ABHD17A: variants seen among roughly 807,000 people sequenced by gnomAD.
ABHD17A encodes the protein alpha/beta hydrolase domain-containing protein 17A.
A neutral mutation model predicts 26.8 loss-of-function variants in ABHD17A; 10 were observed. That is an observed-to-expected ratio of 0.37 (90% confidence interval 0.23 to 0.63). The LOEUF (loss-of-function observed/expected upper bound fraction) is 0.63. Among genes scored for constraint, ABHD17A ranks in the 30% least tolerant of loss-of-function variants. The probability of loss-of-function intolerance (pLI) is 0.61; values close to 1 mark genes in which losing one functional copy is unlikely to be tolerated. For missense variants in ABHD17A, 292 were observed against 457.3 expected (o/e 0.64, Z 3.30); for synonymous variants, 167 against 210.9 (o/e 0.79, Z 1.80).
In ABHD17A at chr19:1,879,934, C is replaced by T; in HGVS notation, c.514G>A (p.Ala172Thr). 4 of 1,610,046 alleles carry T rather than the reference C, an allele frequency of 2.5e-6. No individual in the cohort carries two copies. Among genetic ancestry groups the T allele is most frequent in the Non-Finnish European group, 3.4e-6 (4 of 1,178,912 alleles). Residue 172 changes from alanine (A) to threonine (T), a missense_variant, in exon 3 of 5, where the codon GCC becomes ACC. Around this residue, in one of 4 missense-constraint regions of ABHD17A, gnomAD observed 25 missense variants for 40.3 expected, o/e 0.62. Coordinates refer to ENST00000292577, the MANE Select transcript of ABHD17A (RefSeq NM_001130111.2). This position sits in a 1 kb window ranked among gnomAD's most constrained non-coding sequence, Gnocchi z 7.6. ...LYADIDAAWQALRTRYGISPD... is the reference protein window; with the variant it reads ...LYADIDAAWQTLRTRYGISPD... The stretch of plus-strand genomic sequence containing the variant: ...GGTCGCCCTCACCTGGTGCGCAGGG[C>T]CTGCCAGGCGGCGTCGATGTCGGCA...
Position 1,879,633 on chromosome 19 carries a change from C to T in ABHD17A, c.527+288G>A, listed in dbSNP as rs1418084533. 6.0e-6 allele frequency: 3 copies of T among 502,248 alleles called. No individual in the cohort carries two copies. In the East Asian group the frequency reaches 1.1e-4, roughly 18 times the overall value. 31.1% of individuals were successfully genotyped at this position (502,248 alleles called of 1,614,324 possible). On this transcript the variant is annotated intron_variant, in intron 3 of 4. Coordinates refer to ENST00000292577, the MANE Select transcript of ABHD17A (RefSeq NM_001130111.2). The surrounding 1 kb of genome is among the most constrained non-coding windows in gnomAD (Gnocchi z 7.6). The stretch of plus-strand genomic sequence containing the variant: ...ACTCCCTCCCGCCGGGTGGCATCCA[C>T]ACCCCTGTGACAAGCTCAGCCCCTT...
At position 1,880,419 on chromosome 19, in the gene ABHD17A, G is replaced by A. The variant is rs1053441499; in HGVS notation, c.333-304C>T. The stretch of plus-strand genomic sequence containing the variant: ...TGTGAAGCGGGACACTGGGACCATC[G>A]GTCGCATCCTCTCTCAGGGCAGACT... On this transcript the variant is annotated intron_variant, in intron 2 of 4. Coordinates refer to ENST00000292577, the MANE Select transcript of ABHD17A (RefSeq NM_001130111.2). The surrounding 1 kb of genome is among the most constrained non-coding windows in gnomAD (Gnocchi z 4.1). Among the ~76,000 whole-genome samples the A allele has an allele frequency of 1.3e-5, 2 of 152,174 alleles. No homozygotes were observed. Among genetic ancestry groups the A allele is most frequent in the African/African-American group, 4.8e-5 (2 of 41,432 alleles).
At position 1,880,106 on chromosome 19, in the gene ABHD17A, G is replaced by A. The variant is rs2012481319; in HGVS notation, c.342C>T (p.Val114=). 1.9e-6 allele frequency: 3 copies of A among 1,613,046 alleles called. No homozygotes were observed. The highest frequency in any genetic ancestry group is 2.2e-5 in the East Asian group (1 of 44,888). Residue 114 remains valine (V), a synonymous_variant, in exon 3 of 5, where the codon GTC becomes GTT. Coordinates refer to ENST00000292577, the MANE Select transcript of ABHD17A (RefSeq NM_001130111.2). This position sits in a 1 kb window ranked among gnomAD's most constrained non-coding sequence, Gnocchi z 4.1. ...CCACGGCATTGCCGTGCGAGAAGAG[G>A]ACCGTGTACCTGGGACAGGCCGAGA... ...VRCVPGARYT[V]LFSHGNAVDL...
chr19:1,878,820 T>TCAC (rs1460892063), intron 3 of ABHD17A: 2 of 152,506 alleles, frequency 1.3e-5, no homozygotes, highest in African/African-American at 2.4e-5. Flanking sequence ...CACCTGGATG[T>TCAC]CACCACTCAA....
At position 1,880,158 on chromosome 19, in the gene ABHD17A, C is replaced by T. The variant is rs756947520; in HGVS notation, c.333-43G>A. The T allele has an allele frequency of 9.8e-5, 158 of 1,604,162 alleles. No homozygotes were observed. Among genetic ancestry groups the T allele is most frequent in the Non-Finnish European group, 1.3e-4 (154 of 1,174,926 alleles). On this transcript the variant is annotated intron_variant, in intron 2 of 4. Coordinates refer to ENST00000292577, the MANE Select transcript of ABHD17A (RefSeq NM_001130111.2). The surrounding 1 kb of genome is among the most constrained non-coding windows in gnomAD (Gnocchi z 4.1). ...GGGCCGTTCACATCCTCGCTCCCAG[C>T]GCCCAGCTGCAGGGCAGGAGGATGC...
Position 1,880,823 on chromosome 19 carries a change from C to T in ABHD17A, c.332+412G>A. ...TGCCATGGACTGCTTCCTCCAGTTC[C>T]CCCAGGCCCCCACCTAGCCCAGCCA... On this transcript the variant is annotated intron_variant, in intron 2 of 4. Transcript: ENST00000292577. This position sits in a 1 kb window ranked among gnomAD's most constrained non-coding sequence, Gnocchi z 4.1. 3 of 1,584,964 alleles carry T rather than the reference C, an allele frequency of 1.9e-6. No homozygotes were observed. The highest frequency in any genetic ancestry group is 1.7e-5 in the Admixed American group (1 of 57,880).
rs766726328 is a variant in ABHD17A, at chr19:1,880,141, C to T, written c.333-26G>A. On this transcript the variant is annotated intron_variant, in intron 2 of 4. Transcript: ENST00000292577. The surrounding 1 kb of genome is among the most constrained non-coding windows in gnomAD (Gnocchi z 4.1). ...CTGGGACAGGCCGAGAAGGGCCGTTCACATCCTCGCTCCCAGCGCCCAGCT... is the reference window on the plus strand; with the variant it reads ...CTGGGACAGGCCGAGAAGGGCCGTTTACATCCTCGCTCCCAGCGCCCAGCT... The T allele has an allele frequency of 5.6e-6, 9 of 1,611,158 alleles. No homozygotes were observed. The highest frequency in any genetic ancestry group is 1.1e-5 in the South Asian group (1 of 90,956).
Position 1,879,717 on chromosome 19 carries a change from G to A in ABHD17A, c.527+204C>T. The A allele has an allele frequency of 1.7e-6, 1 of 591,556 alleles. No individual in the cohort carries two copies. The highest frequency in any genetic ancestry group is 3.0e-6 in the Non-Finnish European group (1 of 333,066). 36.6% of individuals were successfully genotyped at this position (591,556 alleles called of 1,614,324 possible). A position where few individuals can be genotyped will look rare whatever the true frequency, so the allele number is the denominator to read the frequency against. On this transcript the variant is annotated intron_variant, in intron 3 of 4. Transcript: ENST00000292577. This position sits in a 1 kb window ranked among gnomAD's most constrained non-coding sequence, Gnocchi z 7.6. ...GGCTCCACAGGCCAGGGTGTGGGAG[G>A]ACCGCCTGGCCACACCTCAGCCATG...
In ABHD17A at chr19:1,877,598, G is replaced by A. The variant is rs760492389; in HGVS notation, c.617C>T (p.Ala206Val). 4.4e-6 allele frequency: 7 copies of A among 1,593,968 alleles called. No homozygotes were observed. Among genetic ancestry groups the A allele is most frequent in the Non-Finnish European group, 5.9e-6 (7 of 1,178,436 alleles). Residue 206 changes from alanine (A) to valine (V), a missense_variant, in exon 4 of 5, where the codon GCC becomes GTC. Transcript: ENST00000292577. Reference protein sequence around the residue: ...TVDLASRYECAAVVLHSPLTS... With the variant: ...TVDLASRYECVAVVLHSPLTS... ...GAGCGGCGAGTGCAGCACCACCGCG[G>A]CACACTCGTAGCGCGAGGCCAGGTC...
chr19:1,884,709 T>C (rs2012628722), intron 1 of ABHD17A, among the ~76,000 whole-genome samples: 1 of 152,090 alleles, frequency 6.6e-6, no homozygotes, highest in African/African-American at 2.4e-5. Context: ...AGCAGGCTCC[T>C]GGCTAGAGCA....
chr19:1,879,679 T>C lies in ABHD17A; in HGVS notation c.527+242A>G. ...CCCTTCCCATCCTCAGGCCAGGGGT[T>C]CCCAGGGAACCTGGCTCCACAGGCC... On this transcript the variant is annotated intron_variant, in intron 3 of 4. Transcript: ENST00000292577. This position sits in a 1 kb window ranked among gnomAD's most constrained non-coding sequence, Gnocchi z 7.6. 2 of 562,610 alleles carry C rather than the reference T, an allele frequency of 3.6e-6. No individual in the cohort carries two copies. Among genetic ancestry groups the C allele is most frequent in the Non-Finnish European group, 6.4e-6 (2 of 312,622 alleles). 34.9% of individuals were successfully genotyped at this position (562,610 alleles called of 1,614,324 possible).
intron 1 of ABHD17A, among the ~76,000 whole-genome samples, chr19:1,884,986 C>T (rs1160273045): frequency 6.6e-6 from 1 of 152,162 alleles, no homozygotes; most frequent in Non-Finnish European, 1.5e-5. Flanking sequence ...AAGCAGGGCT[C>T]GGGAGGGCCC....
rs377143982 is a variant in ABHD17A, at chr19:1,877,557, C to A, written c.658G>T (p.Val220Phe). The A allele has an allele frequency of 1.9e-6, 3 of 1,595,424 alleles. No homozygotes were observed. Among genetic ancestry groups the A allele is most frequent in the Non-Finnish European group, 2.5e-6 (3 of 1,179,036 alleles). ...GTCTTCTTGGTGTCGGGGAAGGCGA[C>A]GCGCATGCCCGAGGTGAGCGGCGAG... ...LHSPLTSGMR[V>F]AFPDTKKTYC... is the part of the protein sequence containing the mutation. The change falls in exon 4 of 5, where the codon GTC becomes TTC. Residue 220 changes from valine to phenylalanine, a missense_variant. By Grantham distance (50) the Val-to-Phe change is conservative. Around this residue, in one of 4 missense-constraint regions of ABHD17A, gnomAD observed 88 missense variants for 134.3 expected, o/e 0.66. Transcript: ENST00000292577.
chr19:1,881,926 C>A, intron 1 of ABHD17A, 122 bp from the exon 2 acceptor site: 1 of 241,456 alleles, frequency 4.1e-6, no homozygotes, highest in Non-Finnish European at 7.9e-6. Flanking sequence ...TGTCAGTCCC[C>A]ATCCCCTCGG....
chr19:1,881,142 C>A (rs969500411), intron 2 of ABHD17A, 93 bp downstream of exon 2: 1 of 1,566,358 alleles, frequency 6.4e-7, no homozygotes, highest in Non-Finnish European at 8.6e-7. Context: ...CTCGGGCCCT[C>A]GGGGGCACCA....
Position 1,877,627 on chromosome 19 carries a change from G to A in ABHD17A, c.588C>T (p.Thr196=). The A allele has an allele frequency of 1.3e-6, 2 of 1,592,362 alleles. No individual in the cohort carries two copies. Among genetic ancestry groups the A allele is most frequent in the South Asian group, 2.2e-5 (2 of 90,578 alleles). The part of the protein sequence containing the change: ...LYGQSIGTVP[T]VDLASRYECA... ...ACTCGTAGCGCGAGGCCAGGTCCAC[G>A]GTGGGCACCGTGCCGATGCTCTGCC... Residue 196 remains threonine (T), a synonymous_variant, in exon 4 of 5, where the codon ACC becomes ACT. Transcript: ENST00000292577.
chr19:1,885,300 G>C (rs888416420), intron 1 of ABHD17A, 52 bp downstream of exon 1: 11 of 151,340 alleles, frequency 7.3e-5, no homozygotes, highest in African/African-American at 2.7e-4. Flanking sequence ...CTCGAGGCCC[G>C]GCCCGGGACC....
rs763351670 is a variant in ABHD17A at position 1,880,042 on chromosome 19, A to C, written c.406T>G (p.Ser136Ala). 1.2e-6 allele frequency: 2 copies of C among 1,612,284 alleles called. No homozygotes were observed. The change falls in exon 3 of 5, where the codon TCC becomes GCC. Residue 136 changes from serine to alanine, a missense_variant. Transcript: ENST00000292577. This position sits in a 1 kb window ranked among gnomAD's most constrained non-coding sequence, Gnocchi z 4.1. ...QMSSFYIGLG[S>A]RLHCNIFSYD... is the part of the protein sequence containing the mutation. Reference sequence around the variant, plus strand: ...GAGAAGATGTTGCAGTGGAGGCGGGAGCCCAGGCCAATGTAGAAGCTGCTC... The same window carrying C: ...GAGAAGATGTTGCAGTGGAGGCGGGCGCCCAGGCCAATGTAGAAGCTGCTC...
In ABHD17A at chr19:1,880,769, G is replaced by A; in HGVS notation, c.332+466C>T. 1 of 1,354,360 alleles carries A rather than the reference G, an allele frequency of 7.4e-7. No homozygotes were observed. The highest frequency in any genetic ancestry group is 1.0e-6 in the Non-Finnish European group (1 of 991,118). 83.9% of individuals were successfully genotyped at this position (1,354,360 alleles called of 1,614,324 possible). A position where few individuals can be genotyped will look rare whatever the true frequency, so the allele number is the denominator to read the frequency against. On this transcript the variant is annotated intron_variant, in intron 2 of 4. Coordinates refer to ENST00000292577, the MANE Select transcript of ABHD17A (RefSeq NM_001130111.2). This position sits in a 1 kb window ranked among gnomAD's most constrained non-coding sequence, Gnocchi z 4.1. ...CCCAGCACGGGAGCTGCCCCAGGTG[G>A]TGCCAGGAGCAGGTGGCCAGGCTGG...
Sources: allele counts gnomAD v4.1 joint callset (sites outside exome capture counted in the v4.1 genomes callset), GRCh38; gene constraint gnomAD v4.1.1; regional missense constraint gnomAD v4.1.1; non-coding constraint Gnocchi (gnomAD v3.1); transcripts MANE v1.5; gene names NCBI Gene and HGNC (gene_info 2026-07-23, HGNC 2026-07-21).